The following CATSPER3 variants were observed in gnomAD, a reference collection of about 807,000 sequenced individuals.
CATSPER3 encodes the protein cation channel sperm associated 3.
In CATSPER3, 23 loss-of-function variants were observed where a neutral mutation model predicts 36.6. The observed-to-expected ratio is 0.63, with a 90% CI of 0.45 to 0.89. The LOEUF (loss-of-function observed/expected upper bound fraction) is 0.89, where lower values mean the gene tolerates loss of function less well. CATSPER3 is among the 40% of genes least tolerant of loss of function. The pLI is 0.00. For synonymous variants in CATSPER3, 172 were observed against 184.1 expected, an observed-to-expected ratio of 0.93 and a Z score of 0.53; for missense variants, 474 against 503.9, an observed-to-expected ratio of 0.94 and a Z score of 0.57.
At chr5:134,980,946 C>G (rs1345238933) in intron 2 of CATSPER3, among the ~76,000 whole-genome samples, 1 of 152,184 alleles carries the variant, frequency 6.6e-6, no homozygotes, top group Non-Finnish European at 1.5e-5. Flanking sequence ...TCTCAAACTC[C>G]TGGCCTCAAG....
At chr5:134,978,532 C>T (rs991595325) in intron 2 of CATSPER3, among the ~76,000 whole-genome samples, 1 of 152,042 alleles carries the variant, frequency 6.6e-6, no homozygotes, top group Non-Finnish European at 1.5e-5. Flanking sequence ...AACTTGATGC[C>T]TTCCTACGAA....
chr5:135,011,614 T>C lies in CATSPER3; in HGVS notation c.1188T>C (p.Asp396=). 1 of 1,612,718 alleles carries C rather than the reference T, an allele frequency of 6.2e-7. No individual in the cohort carries two copies. The highest frequency in any genetic ancestry group is 1.1e-5 in the South Asian group (1 of 90,958). ...QEKPQSLEKV[D]EK ...AGCCCCAGTCCTTGGAAAAGGTGGATGAGAAGTAGCTGGGCATGGGGCACC... is the reference window on the plus strand; with the variant it reads ...AGCCCCAGTCCTTGGAAAAGGTGGACGAGAAGTAGCTGGGCATGGGGCACC... Residue 396 remains aspartate (D), a synonymous_variant, in exon 8 of 8, where the codon GAT becomes GAC. Transcript: ENST00000282611.
rs568762453 is a variant in CATSPER3 at position 134,999,711 on chromosome 5, T to G, written c.492+3199T>G. ...CACTCATTATTTGGCTCTCTGTTTG[T>G]GTGTTATTGGTGTATAGGAATGCTT... On this transcript the variant is annotated intron_variant, in intron 3 of 7. Transcript: ENST00000282611. Among the ~76,000 whole-genome samples, 63 of 152,358 alleles carry G rather than the reference T, an allele frequency of 4.1e-4. 1 individual carries two copies. The highest frequency in any genetic ancestry group is 1.4e-3 in the African/African-American group (59 of 41,572).
intron 2 of CATSPER3, among the ~76,000 whole-genome samples, chr5:134,988,453 A>G (rs992154398): frequency 3.3e-5 from 5 of 152,232 alleles, no homozygotes; most frequent in East Asian, 1.9e-4. Context: ...GTTGAAGCCA[A>G]TCCTCTCAAA....
At chr5:134,982,434 A>G (rs1372345282) in intron 2 of CATSPER3, among the ~76,000 whole-genome samples, 2 of 152,342 alleles carry the variant, frequency 1.3e-5, no homozygotes, top group Non-Finnish European at 2.9e-5. Flanking sequence ...TAAAGTGAGA[A>G]TCTTGAAAAC....
At chr5:135,006,465 A>T (rs1304053001) in intron 3 of CATSPER3, among the ~76,000 whole-genome samples, 1 of 152,008 alleles carries the variant, frequency 6.6e-6, no homozygotes, top group African/African-American at 2.4e-5. Flanking sequence ...AGCTTTTCTC[A>T]TGAGGATTTA....
chr5:135,004,680 A>G (rs1434739410), intron 3 of CATSPER3, among the ~76,000 whole-genome samples: 1 of 152,174 alleles, frequency 6.6e-6, no homozygotes, highest in Non-Finnish European at 1.5e-5. Context: ...GGCATCTTCC[A>G]TAAAGATGTG....
At position 134,996,389 on chromosome 5, in the gene CATSPER3, C is replaced by A; in HGVS notation, c.369C>A (p.Ile123=). 6.2e-7 allele frequency: 1 copy of A among 1,614,238 alleles called. No homozygotes were observed. Among genetic ancestry groups the A allele is most frequent in the Non-Finnish European group, 8.5e-7 (1 of 1,180,036 alleles). The part of the protein sequence containing the change: ...GYNLLDVIII[I]VMFLPYALRQ... ...ACCTGCTGGATGTGATCATTATCAT[C>A]GTTATGTTTTTACCCTATGCCCTCC... Residue 123 remains isoleucine (I), a synonymous_variant, in exon 3 of 8, where the codon ATC becomes ATA. Coordinates refer to ENST00000282611, the MANE Select transcript of CATSPER3 (RefSeq NM_178019.3).
chr5:134,997,821 G>C (rs187252048), intron 3 of CATSPER3, among the ~76,000 whole-genome samples: 4 of 151,914 alleles, frequency 2.6e-5, no homozygotes, highest in East Asian at 1.9e-4. Context: ...CATCTCACAG[G>C]CTTCTCAAAT....
chr5:134,985,564 T>G (rs1411102315), intron 2 of CATSPER3, among the ~76,000 whole-genome samples: 1 of 151,982 alleles, frequency 6.6e-6, no homozygotes, highest in Non-Finnish European at 1.5e-5. Flanking sequence ...GTCCCAGACT[T>G]CCCTGCTACA....
At chr5:135,008,203 A>G in intron 4 of CATSPER3, 64 bp downstream of exon 4, 1 of 1,386,562 alleles carries the variant, frequency 7.2e-7, no homozygotes, top group East Asian at 2.3e-5. Context: ...AGGTGGTGCA[A>G]GCGTGTGGAC....
rs1259551835 is a variant in CATSPER3, at chr5:135,002,948, C to T, written c.493-5009C>T. Among the ~76,000 whole-genome samples the T allele has an allele frequency of 5.9e-5, 9 of 152,360 alleles. No individual in the cohort carries two copies. The East Asian group carries it at 1.3e-3, about 23-fold the overall frequency. On this transcript the variant is annotated intron_variant, in intron 3 of 7. Transcript: ENST00000282611. Reference sequence around the variant, plus strand: ...TTGATCGTCTGAAGCCTTCTTCTCTCAACTCATCAAAGTCATTCTCCATCC... The same window carrying T: ...TTGATCGTCTGAAGCCTTCTTCTCTTAACTCATCAAAGTCATTCTCCATCC...
At chr5:135,002,470 TGTG>T (rs1273906436) in intron 3 of CATSPER3, among the ~76,000 whole-genome samples, 8 of 152,208 alleles carry the variant, frequency 5.3e-5, no homozygotes, top group Non-Finnish European at 1.0e-4. Flanking sequence ...GGAGTATCTT[TGTG>T]GTGTTCTCTG....
At chr5:134,986,458 C>CTTTT (rs61671231) in intron 2 of CATSPER3, among the ~76,000 whole-genome samples, 5 of 116,620 alleles carry the variant, frequency 4.3e-5, no homozygotes, top group Non-Finnish European at 6.8e-5. Flanking sequence ...ACAGCATACC[C>CTTTT]TTTTTTTTTT....
chr5:134,975,067 C>T (rs540609521), intron 2 of CATSPER3: 19 of 152,164 alleles, frequency 1.2e-4, no homozygotes, highest in Non-Finnish European at 2.2e-4. Context: ...AGAATTTGGA[C>T]AAATTACTTA....
intron 2 of CATSPER3, among the ~76,000 whole-genome samples, chr5:134,994,957 T>A (rs1179974201): frequency 6.6e-6 from 1 of 151,122 alleles, no homozygotes; most frequent in Non-Finnish European, 1.5e-5. Flanking sequence ...CTTTCTTTCT[T>A]CCTTCCTCTC....
intron 2 of CATSPER3, 118 bp downstream of exon 2, chr5:134,970,210 C>A: frequency 2.0e-6 from 2 of 997,028 alleles, no homozygotes; most frequent in South Asian, 2.7e-5. Flanking sequence ...GGCTGGAGTG[C>A]AGTGGCGTGA....
intron 3 of CATSPER3, among the ~76,000 whole-genome samples, chr5:135,006,655 G>T (rs1752089351): frequency 1.3e-5 from 2 of 151,850 alleles, no homozygotes; most frequent in East Asian, 3.9e-4. Context: ...GCTAACACGT[G>T]AAACCTCATC....
chr5:134,993,417 C>T (rs1751906829), intron 2 of CATSPER3, among the ~76,000 whole-genome samples: 1 of 152,094 alleles, frequency 6.6e-6, no homozygotes, highest in African/African-American at 2.4e-5. Context: ...GTGCTTAGTG[C>T]CACTGAATTG....
Sources: allele counts gnomAD v4.1 joint callset (sites outside exome capture counted in the v4.1 genomes callset), GRCh38; gene constraint gnomAD v4.1.1; transcripts MANE v1.5; gene names NCBI Gene and HGNC (gene_info 2026-07-23, HGNC 2026-07-21).